DNAH17: variants seen among roughly 807,000 people sequenced by gnomAD.
The protein encoded by DNAH17 is axonemal beta dynein heavy chain 17.
A neutral mutation model predicts 485.6 loss-of-function variants in DNAH17; 376 were observed. That is an observed-to-expected ratio of 0.77 (90% CI 0.71 to 0.84). The LOEUF is 0.84. Ranked by LOEUF, DNAH17 falls within the 40% of genes least tolerant of loss-of-function variation. The probability of loss-of-function intolerance (pLI) is 0.00; values close to 1 mark genes in which losing one functional copy is unlikely to be tolerated. For missense variants in DNAH17, 6,370 were observed against 5,839.3 expected, an observed-to-expected ratio of 1.09 and a Z score of -2.96; for synonymous variants, 3,031 against 2,405.9, an observed-to-expected ratio of 1.26 and a Z score of -7.60.
At chr17:78,484,197 C>T (rs530729683) in intron 48 of DNAH17, among the ~76,000 whole-genome samples, 3 of 150,542 alleles carry the variant, frequency 2.0e-5, no homozygotes, top group Non-Finnish European at 3.0e-5. Flanking sequence ...TTCTCGGTGC[C>T]GTTAGGAGAA....
chr17:78,484,198 G>C (rs988162365), intron 48 of DNAH17, among the ~76,000 whole-genome samples: 1 of 149,454 alleles, frequency 6.7e-6, no homozygotes, highest in Non-Finnish European at 1.5e-5. Flanking sequence ...TCTCGGTGCC[G>C]TTAGGAGAAA....
intron 11 of DNAH17, among the ~76,000 whole-genome samples, chr17:78,564,910 T>C (rs2092236569): frequency 6.6e-6 from 1 of 151,606 alleles, no homozygotes; most frequent in Non-Finnish European, 1.5e-5. Context: ...TGCAACTAGA[T>C]GCAGCTACCT....
intron 44 of DNAH17, 130 bp from the exon 45 acceptor site, chr17:78,486,636 A>C: frequency 8.4e-7 from 1 of 1,194,100 alleles, no homozygotes; most frequent in Non-Finnish European, 1.1e-6. Context: ...CCATGCCTGC[A>C]TGGCAATGGG....
chr17:78,439,089 C>T lies in DNAH17; in HGVS notation c.11805+1G>A, dbSNP rs762225299. On this transcript the variant is annotated splice_donor_variant, in intron 73 of 80. Transcript: ENST00000389840. LOFTEE classifies it high-confidence loss of function. Reference sequence around the variant, plus strand: ...ACCCTGCAGTGCTGGCCCCCTCGTACCTGCAGAATGACCCAGTGTCCTTTC... The same window carrying T: ...ACCCTGCAGTGCTGGCCCCCTCGTATCTGCAGAATGACCCAGTGTCCTTTC... 2 of 1,612,952 alleles carry T rather than the reference C, an allele frequency of 1.2e-6. No homozygotes were observed. The highest frequency in any genetic ancestry group is 1.7e-6 in the Non-Finnish European group (2 of 1,179,692).
At chr17:78,461,999 T>C (rs375281341) in intron 57 of DNAH17, among the ~76,000 whole-genome samples, 15 of 151,934 alleles carry the variant, frequency 9.9e-5, no homozygotes, top group African/African-American at 3.1e-4. Context: ...AGTGAGACCC[T>C]GTCTGTATAA....
intron 11 of DNAH17, among the ~76,000 whole-genome samples, chr17:78,562,527 T>C (rs554090359): frequency 8.7e-4 from 132 of 152,186 alleles, no homozygotes; most frequent in Admixed American, 1.5e-3. Context: ...GAGGCTGAGA[T>C]GGGAGGATTA....
At chr17:78,480,529 T>C (rs1353528510) in intron 49 of DNAH17, among the ~76,000 whole-genome samples, 155 bp downstream of exon 49, 1 of 152,184 alleles carries the variant, frequency 6.6e-6, no homozygotes, top group Admixed American at 6.5e-5. Context: ...CTCCATGCCC[T>C]GGAATTTTCT....
chr17:78,445,252 G>T (rs1033372491), intron 70 of DNAH17, among the ~76,000 whole-genome samples: 18 of 151,876 alleles, frequency 1.2e-4, no homozygotes, highest in African/African-American at 4.4e-4. Context: ...AGGAGGAGAG[G>T]TTGAGGGAGG....
chr17:78,503,856 C>T (rs992578752), intron 31 of DNAH17, among the ~76,000 whole-genome samples: 2 of 152,002 alleles, frequency 1.3e-5, no homozygotes, highest in African/African-American at 4.8e-5. Context: ...ATCCTAGGTA[C>T]TCTGGAGGCT....
intron 65 of DNAH17, among the ~76,000 whole-genome samples, chr17:78,452,459 C>T (rs928290757): frequency 6.6e-5 from 10 of 152,088 alleles, no homozygotes; most frequent in African/African-American, 1.9e-4. Flanking sequence ...AAGTAAAGGC[C>T]GGGCGCGGTG....
At chr17:78,467,675 G>A (rs116431722) in intron 55 of DNAH17, among the ~76,000 whole-genome samples, 2,645 of 152,228 alleles carry the variant, frequency 0.017, 90 homozygotes, top group African/African-American at 0.06. Context: ...TGGAGAGGAC[G>A]GGGCCAATAG....
chr17:78,459,224 G>A lies in DNAH17; in HGVS notation c.9654-16C>T. 1 of 1,612,572 alleles carries A rather than the reference G, an allele frequency of 6.2e-7. No individual in the cohort carries two copies. The highest frequency in any genetic ancestry group is 8.5e-7 in the Non-Finnish European group (1 of 1,179,110). ...TTGGTAGGGCCTAGCGAGGGAACCA[G>A]AGGGCCGGAGTCGTCACCCTGTCCT... On this transcript the variant is annotated splice_polypyrimidine_tract_variant and intron_variant, in intron 60 of 80. Coordinates refer to ENST00000389840, the MANE Select transcript of DNAH17 (RefSeq NM_173628.4).
At position 78,510,711 on chromosome 17, in the gene DNAH17, C is replaced by T. The variant is rs146411245; in HGVS notation, c.4114-205G>A. The T allele has an allele frequency of 3.0e-4, 187 of 623,394 alleles. No homozygotes were observed. In the African/African-American group the frequency reaches 3.2e-3, roughly 11 times the overall value. The allele number at this position is 623,394 out of a possible 1,614,324, so 38.6% of individuals were successfully genotyped here. A position where few individuals can be genotyped will look rare whatever the true frequency, so the allele number is the denominator to read the frequency against. On this transcript the variant is annotated intron_variant, in intron 26 of 80. Coordinates refer to ENST00000389840, the MANE Select transcript of DNAH17 (RefSeq NM_173628.4). The stretch of plus-strand genomic sequence containing the variant: ...GCCTCACCTTCCTTCCCTGTAAAAC[C>T]GCATAAGAGCAGAACGCACCTGCAC...
chr17:78,566,495 C>CGG, intron 11 of DNAH17, 119 bp downstream of exon 11: 1 of 745,908 alleles, frequency 1.3e-6, no homozygotes, highest in Non-Finnish European at 2.2e-6. Context: ...CGGGCCCTCC[C>CGG]TCCCTGGACA....
intron 14 of DNAH17, among the ~76,000 whole-genome samples, chr17:78,553,935 C>CTT (rs147779394): frequency 6.6e-6 from 1 of 152,040 alleles, no homozygotes; most frequent in African/African-American, 2.4e-5. Context: ...GGCTCAGACC[C>CTT]TTTCCCTGGT....
In DNAH17 at chr17:78,570,303, T is replaced by C. The variant is rs780324842; in HGVS notation, c.988A>G (p.Thr330Ala). Residue 330 changes from threonine (T) to alanine (A), a missense_variant, in exon 7 of 81, where the codon ACA (threonine) becomes GCA (alanine). Transcript: ENST00000389840. ...AGGATGACGATGATCCTGGCAGGTG[T>C]GTTATAGTACTCAGAGGTGGCCCAG... ...FIWATSEYYNTPARIIVILQE... is the reference protein window; with the variant it reads ...FIWATSEYYNAPARIIVILQE... The C allele has an allele frequency of 8.7e-6, 14 of 1,602,484 alleles. No individual in the cohort carries two copies. The South Asian group carries it at 1.1e-4, about 13-fold the overall frequency.
intron 27 of DNAH17, among the ~76,000 whole-genome samples, chr17:78,508,249 G>A (rs9902160): frequency 0.2 from 29,856 of 152,130 alleles, 3,102 homozygotes; most frequent in East Asian, 0.33. Context: ...TGGGAAGCAG[G>A]AGATGCAATT....
At chr17:78,434,689 T>C (rs1489097333) in intron 74 of DNAH17, among the ~76,000 whole-genome samples, 1 of 151,934 alleles carries the variant, frequency 6.6e-6, no homozygotes, top group Admixed American at 6.6e-5. Context: ...ATGGGGTCGC[T>C]TCTCAAACCC....
rs146776712 is a variant in DNAH17, at chr17:78,567,243, C to G, written c.1285-77G>C. The G allele has an allele frequency of 6.7e-4, 1,006 of 1,502,506 alleles. 5 individuals carry two copies. The African/African-American group carries it at 9.7e-3, about 14-fold the overall frequency. The allele number at this position is 1,502,506 out of a possible 1,614,324, so 93.1% of individuals were successfully genotyped here. On this transcript the variant is annotated intron_variant, in intron 9 of 80. Transcript: ENST00000389840. Reference sequence around the variant, plus strand: ...GTCCAGTTACAAAACTAGCTCTGACCCCAGGCAGGAGGAGCTGGGGAGCAA... The same window carrying G: ...GTCCAGTTACAAAACTAGCTCTGACGCCAGGCAGGAGGAGCTGGGGAGCAA...
Sources: allele counts gnomAD v4.1 joint callset (sites outside exome capture counted in the v4.1 genomes callset), GRCh38; gene constraint gnomAD v4.1.1; transcripts MANE v1.5; gene names NCBI Gene and HGNC (gene_info 2026-07-23, HGNC 2026-07-21).